Variants in HPSE2 observed in about 807,000 individuals in gnomAD.
The protein encoded by HPSE2 is heparanase 2 (inactive).
A neutral mutation model predicts 60.5 loss-of-function variants in HPSE2; 38 were observed. That is an observed-to-expected ratio of 0.63 (90% confidence interval 0.48 to 0.82). The LOEUF is 0.82. Ranked by LOEUF, HPSE2 falls within the 40% of genes least tolerant of loss-of-function variation. The pLI is 0.00. For synonymous variants in HPSE2, 295 were observed against 293.2 expected (o/e 1.01, Z -0.06); for missense variants, 713 against 740.4 (o/e 0.96, Z 0.43).
intron 3 of HPSE2, among the ~76,000 whole-genome samples, chr10:98,864,474 G>A (rs140418588): frequency 3.9e-5 from 6 of 152,200 alleles, no homozygotes; most frequent in African/African-American, 1.4e-4. Context: ...GAATATATGG[G>A]CCAAGGAACT....
intron 6 of HPSE2, among the ~76,000 whole-genome samples, chr10:98,673,042 T>C (rs1314133981): frequency 6.6e-6 from 1 of 152,110 alleles, no homozygotes; most frequent in African/African-American, 2.4e-5. Flanking sequence ...CTGAGGGTGG[T>C]AAATATAAAG....
At chr10:99,164,175 C>T (rs1589757936) in intron 2 of HPSE2, among the ~76,000 whole-genome samples, 1 of 132,532 alleles carries the variant, frequency 7.5e-6, no homozygotes, top group East Asian at 2.2e-4. Context: ...AATTGGAATT[C>T]TTCTATAAGG....
At chr10:98,855,636 A>G (rs1489583300) in intron 3 of HPSE2, among the ~76,000 whole-genome samples, 1 of 152,146 alleles carries the variant, frequency 6.6e-6, no homozygotes, top group Non-Finnish European at 1.5e-5. Context: ...CAGACCATTA[A>G]GGATTCCCAG....
intron 3 of HPSE2, among the ~76,000 whole-genome samples, chr10:98,770,020 T>G (rs1371654461): frequency 6.6e-6 from 1 of 152,176 alleles, no homozygotes; most frequent in Admixed American, 6.5e-5. Flanking sequence ...AGAAATCCCT[T>G]TGCCCAAACC....
chr10:98,941,059 A>C lies in HPSE2; in HGVS notation c.611-197003T>G. Among the ~76,000 whole-genome samples, 2 of 140,334 alleles carry C rather than the reference A, an allele frequency of 1.4e-5. 1 individual carries two copies. The highest frequency in any genetic ancestry group is 3.0e-5 in the Non-Finnish European group (2 of 66,780). 92.1% of individuals were successfully genotyped at this position (140,334 alleles called of 152,430 possible). A position where few individuals can be genotyped will look rare whatever the true frequency, so the allele number is the denominator to read the frequency against. ...CCCTTCATGCTAAAACTCTCAATAA[A>C]TTAGGTATTGATGGGACGTATCTCA... On this transcript the variant is annotated intron_variant, in intron 3 of 11. Coordinates refer to ENST00000370552, the MANE Select transcript of HPSE2 (RefSeq NM_021828.5).
intron 3 of HPSE2, among the ~76,000 whole-genome samples, chr10:98,812,066 T>C (rs750067003): frequency 6.6e-6 from 1 of 152,180 alleles, no homozygotes; most frequent in Non-Finnish European, 1.5e-5. Context: ...GTAGATTTTT[T>C]GAAGTTTCCT....
At chr10:98,878,646 T>C (rs1006251099) in intron 3 of HPSE2, among the ~76,000 whole-genome samples, 1 of 151,966 alleles carries the variant, frequency 6.6e-6, no homozygotes, top group African/African-American at 2.4e-5. Context: ...AACTGGAGAA[T>C]GATGCAGGGA....
intron 9 of HPSE2, among the ~76,000 whole-genome samples, chr10:98,552,789 T>C (rs1943899892): frequency 1.3e-5 from 2 of 152,154 alleles, no homozygotes; most frequent in African/African-American, 4.8e-5. Context: ...ATCTTAGATT[T>C]GATGATATGA....
chr10:98,581,702 A>T (rs1397341750), intron 9 of HPSE2, among the ~76,000 whole-genome samples: 1 of 152,204 alleles, frequency 6.6e-6, no homozygotes, highest in East Asian at 1.9e-4. Context: ...TAAAGCAATT[A>T]TAAAACGAAA....
chr10:99,128,387 A>G (rs1056338508), intron 3 of HPSE2, among the ~76,000 whole-genome samples: 2 of 152,210 alleles, frequency 1.3e-5, no homozygotes, highest in African/African-American at 4.8e-5. Context: ...GCATATGTTC[A>G]TTCCAGCACT....
intron 9 of HPSE2, among the ~76,000 whole-genome samples, chr10:98,514,313 T>C (rs888217198): frequency 6.6e-6 from 1 of 152,160 alleles, no homozygotes; most frequent in African/African-American, 2.4e-5. Flanking sequence ...AGAGTTGTTA[T>C]TCAAAGTGAT....
intron 2 of HPSE2, among the ~76,000 whole-genome samples, chr10:99,185,698 C>T (rs1392029062): frequency 6.6e-6 from 1 of 151,528 alleles, no homozygotes; most frequent in Admixed American, 6.6e-5. Flanking sequence ...GGCGTGAACC[C>T]GGGAGGCGGA....
rs114450592 is a variant in HPSE2 at position 98,583,726 on chromosome 10, T to A, written c.1320+31178A>T. ...AACCCTTTGCTTGAAGATTCATCAC[T>A]CATATTTATTTCATGTTCACACTAC... On this transcript the variant is annotated intron_variant, in intron 9 of 11. Coordinates refer to ENST00000370552, the MANE Select transcript of HPSE2 (RefSeq NM_021828.5). Among the ~76,000 whole-genome samples, 522 of 152,344 alleles carry A rather than the reference T, an allele frequency of 3.4e-3. 3 individuals are homozygous for A. Among genetic ancestry groups the A allele is most frequent in the African/African-American group, 0.012 (495 of 41,580 alleles).
intron 3 of HPSE2, among the ~76,000 whole-genome samples, chr10:98,951,216 A>G (rs1281879789): frequency 2.0e-5 from 3 of 152,188 alleles, no homozygotes; most frequent in Non-Finnish European, 4.4e-5. Context: ...CAACAGTAAG[A>G]CTAAAGAAAT....
rs543645973 is a variant in HPSE2 at position 99,003,844 on chromosome 10, ATTTTTCC to A, written c.610+140387_610+140393del. 2.4e-3 allele frequency among the ~76,000 whole-genome samples: 362 copies of A among 151,752 alleles called. 1 individual carries two copies. Among genetic ancestry groups the A allele is most frequent in the African/African-American group, 8.5e-3 (353 of 41,412 alleles). On this transcript the variant is annotated intron_variant, in intron 3 of 11. Transcript: ENST00000370552. ...TAGTTTGATATAATCCCATTTGTCT[ATTTTTCC>A]TCTTTTTGCCTATGCTTTTGAGGTC...
intron 3 of HPSE2, among the ~76,000 whole-genome samples, chr10:98,919,307 T>A (rs73332069): frequency 0.027 from 4,042 of 152,078 alleles, 133 homozygotes; most frequent in East Asian, 0.16. Flanking sequence ...TAGAAGGAGA[T>A]GAAGTTAGCA....
chr10:99,257,811 G>T, the HPSE2 span, among the ~76,000 whole-genome samples: 1 of 152,036 alleles, frequency 6.6e-6, no homozygotes, highest in Admixed American at 6.5e-5. Context: ...GGCTTGTGGG[G>T]CATCACGGAA....
At chr10:98,953,752 C>T (rs1452333239) in intron 3 of HPSE2, among the ~76,000 whole-genome samples, 3 of 152,110 alleles carry the variant, frequency 2.0e-5, no homozygotes, top group African/African-American at 7.2e-5. Flanking sequence ...GTTAAAAACA[C>T]AGGCTTTAGA....
At chr10:99,290,654 CAG>C in the HPSE2 span, among the ~76,000 whole-genome samples, 1 of 152,126 alleles carries the variant, frequency 6.6e-6, no homozygotes, top group Non-Finnish European at 1.5e-5. Context: ...GGTTGGGGCA[CAG>C]AGTTGTAAGG....
Sources: gnomAD v4.1 joint callset for allele counts (sites outside exome capture counted in the v4.1 genomes callset) on GRCh38, gnomAD v4.1.1 for gene constraint, MANE v1.5 for transcripts, NCBI Gene and HGNC (gene_info 2026-07-23, HGNC 2026-07-21) for gene names.